Variants in MAST2 observed in about 807,000 individuals in gnomAD.
MAST2 encodes the protein microtubule associated serine/threonine kinase 2.
Under a neutral mutation model 147.4 loss-of-function variants are expected in MAST2, and 70 were observed. That is an observed-to-expected ratio of 0.47 (90% CI 0.39 to 0.58). The LOEUF (loss-of-function observed/expected upper bound fraction) is 0.58, where lower values mean the gene tolerates loss of function less well. Ranked by LOEUF, MAST2 falls within the 20% of genes least tolerant of loss-of-function variation. MAST2 has a pLI of 0.00. For synonymous variants in MAST2, 869 were observed against 896.8 expected (o/e 0.97, Z 0.55); for missense variants, 2,080 against 2,302.3 (o/e 0.90, Z 1.98).
At chr1:45,900,173 C>CAAAAA (rs59051138) in intron 4 of MAST2, among the ~76,000 whole-genome samples, 8 of 54,086 alleles carry the variant, frequency 1.5e-4, no homozygotes, top group Non-Finnish European at 1.9e-4. Context: ...CTCTCTCTCT[C>CAAAAA]AAAAAAAAAA....
intron 4 of MAST2, among the ~76,000 whole-genome samples, chr1:45,910,769 T>C (rs970405593): frequency 6.6e-5 from 10 of 152,254 alleles, no homozygotes; most frequent in Non-Finnish European, 1.2e-4. Context: ...TCTTTTATTC[T>C]GACACCCTGT....
intron 3 of MAST2, among the ~76,000 whole-genome samples, chr1:45,830,862 A>T (rs1473798202): frequency 6.6e-6 from 1 of 151,766 alleles, no homozygotes; most frequent in Non-Finnish European, 1.5e-5. Flanking sequence ...TGTCTATACA[A>T]ATAATAATAA....
At chr1:45,884,552 A>AAAATAAAT (rs776012286) in intron 4 of MAST2, among the ~76,000 whole-genome samples, 2 of 152,112 alleles carry the variant, frequency 1.3e-5, no homozygotes, top group Non-Finnish European at 2.9e-5. Flanking sequence ...GCGCCGTCAA[A>AAAATAAAT]AAATAAATAA....
chr1:45,963,669 A>G (rs920245166), intron 5 of MAST2, among the ~76,000 whole-genome samples: 2 of 152,156 alleles, frequency 1.3e-5, no homozygotes, highest in Admixed American at 6.5e-5. Flanking sequence ...GGGCTGAGAC[A>G]ATGGGGTTTT....
chr1:46,006,538 C>A, intron 8 of MAST2, 143 bp downstream of exon 8: 1 of 581,960 alleles, frequency 1.7e-6, no homozygotes, highest in Non-Finnish European at 2.7e-6. Context: ...TGTCACATTC[C>A]TCAACTCTGC....
In MAST2 at chr1:45,924,698, C is replaced by G. The variant is rs186484228; in HGVS notation, c.501-34688C>G. Among the ~76,000 whole-genome samples, 3 of 152,202 alleles carry G rather than the reference C, an allele frequency of 2.0e-5. No homozygotes were observed. The East Asian group carries it at 5.8e-4, about 29-fold the overall frequency. On this transcript the variant is annotated intron_variant, in intron 4 of 28. Transcript: ENST00000361297. Reference sequence around the variant, plus strand: ...TACTAAAATTTGTATAGGTTGAAGTCCTAACCCCTAGTAACTCAGAACGTC... The same window carrying G: ...TACTAAAATTTGTATAGGTTGAAGTGCTAACCCCTAGTAACTCAGAACGTC...
intron 17 of MAST2, 60 bp from the exon 18 acceptor site, chr1:46,028,708 G>A (rs757150034): frequency 1.2e-5 from 19 of 1,583,474 alleles, no homozygotes; most frequent in Middle Eastern, 1.9e-4. Context: ...CCCCATCTCC[G>A]GCTGTCATGC....
intron 4 of MAST2, among the ~76,000 whole-genome samples, chr1:45,890,815 G>A (rs1647644343): frequency 6.6e-6 from 1 of 152,124 alleles, no homozygotes; most frequent in African/African-American, 2.4e-5. Context: ...ACATTGGTAT[G>A]GTCTGGCACA....
Position 45,907,633 on chromosome 1 carries a change from C to T in MAST2, c.500+25238C>T, listed in dbSNP as rs184635015. ...AATGTAATGACATTAACTATATTCA[C>T]AATGTCATGCAACTGTTGTCACCAT... is the stretch of plus-strand genomic sequence containing the variant. On this transcript the variant is annotated intron_variant, in intron 4 of 28. Transcript: ENST00000361297. Among the ~76,000 whole-genome samples the T allele has an allele frequency of 3.9e-5, 6 of 152,208 alleles. No individual in the cohort carries two copies. In the East Asian group the frequency reaches 1.2e-3, roughly 29 times the overall value.
intron 4 of MAST2, among the ~76,000 whole-genome samples, chr1:45,886,267 A>G (rs976822682): frequency 3.5e-4 from 51 of 147,218 alleles, no homozygotes; most frequent in Non-Finnish European, 6.2e-4. Context: ...ATAAGTATAC[A>G]TATATATTTA....
At chr1:45,840,179 A>G (rs984510903) in intron 3 of MAST2, among the ~76,000 whole-genome samples, 4 of 152,200 alleles carry the variant, frequency 2.6e-5, no homozygotes, top group Non-Finnish European at 4.4e-5. Context: ...ATTGAAGTGT[A>G]TCTACAAGGG....
At position 46,023,485 on chromosome 1, in the gene MAST2, C is replaced by T. The variant is rs925793977; in HGVS notation, c.1571+167C>T. 29 of 655,208 alleles carry T rather than the reference C, an allele frequency of 4.4e-5. No individual in the cohort carries two copies. The highest frequency in any genetic ancestry group is 1.3e-4 in the South Asian group (7 of 53,730). 40.6% of individuals were successfully genotyped at this position (655,208 alleles called of 1,614,324 possible). On this transcript the variant is annotated intron_variant, in intron 14 of 28. Coordinates refer to ENST00000361297, the MANE Select transcript of MAST2 (RefSeq NM_015112.3). This position sits in a 1 kb window ranked among gnomAD's most constrained non-coding sequence, Gnocchi z 4.9. The stretch of plus-strand genomic sequence containing the variant: ...CAGGAGTTCAGATTCCTCTGACATC[C>T]GATCATTGTTCCTTTCCCAGACAAG...
intron 4 of MAST2, among the ~76,000 whole-genome samples, chr1:45,885,493 A>G (rs1228144424): frequency 1.3e-5 from 2 of 152,248 alleles, no homozygotes; most frequent in East Asian, 1.9e-4. Context: ...ACAACTTGGC[A>G]TTATACAAAA....
At chr1:46,024,740 T>C (rs1212812372) in intron 15 of MAST2, among the ~76,000 whole-genome samples, 1 of 152,226 alleles carries the variant, frequency 6.6e-6, no homozygotes, top group Non-Finnish European at 1.5e-5. Flanking sequence ...ATGTTTGCCA[T>C]TACTTTTAAT....
chr1:46,036,091 C>G lies in MAST2; in HGVS notation c.*25C>G. ...GCAGTTGTTTGCCATTTCTTGCACT[C>G]AGACCTGTGTAATATATGCTCCTGG... On this transcript the variant is annotated 3_prime_UTR_variant, in exon 29 of 29. Transcript: ENST00000361297. 6.4e-7 allele frequency: 1 copy of G among 1,571,478 alleles called. No individual in the cohort carries two copies.
At chr1:45,938,554 T>C (rs1025372417) in intron 4 of MAST2, among the ~76,000 whole-genome samples, 5 of 152,222 alleles carry the variant, frequency 3.3e-5, no homozygotes, top group Admixed American at 2.6e-4. Flanking sequence ...CTTGAACTCC[T>C]GGGCTCAAGT....
At chr1:46,008,434 C>A in intron 9 of MAST2, 63 bp downstream of exon 9, 1 of 1,022,850 alleles carries the variant, frequency 9.8e-7, no homozygotes, top group Non-Finnish European at 1.5e-6. Context: ...CAGCCAGCCC[C>A]AATGGGAGAC....
chr1:45,824,683 T>C, intron 2 of MAST2, 103 bp downstream of exon 2: 1 of 1,172,800 alleles, frequency 8.5e-7, no homozygotes. Flanking sequence ...TCTCTGGTAG[T>C]AGTCTTGTAT....
At chr1:45,811,861 C>T (rs928330958) in intron 1 of MAST2, among the ~76,000 whole-genome samples, 7 of 152,060 alleles carry the variant, frequency 4.6e-5, no homozygotes, top group Non-Finnish European at 1.0e-4. Flanking sequence ...GTCTTGATCT[C>T]CTGACCTCGT....
Sources: allele counts gnomAD v4.1 joint callset (sites outside exome capture counted in the v4.1 genomes callset), GRCh38; gene constraint gnomAD v4.1.1; non-coding constraint Gnocchi (gnomAD v3.1); transcripts MANE v1.5; gene names NCBI Gene and HGNC (gene_info 2026-07-23, HGNC 2026-07-21).